Variants in DPH6 observed in about 807,000 individuals in gnomAD.
DPH6 encodes the protein diphthine--ammonia ligase.
Under a neutral mutation model 38.2 loss-of-function variants are expected in DPH6, and 33 were observed. The observed-to-expected ratio is 0.86, with a 90% CI of 0.65 to 1.15. DPH6 has a LOEUF of 1.15. Among genes scored for constraint, DPH6 ranks in the 50% most tolerant of loss-of-function variants. The pLI is 0.00. For synonymous variants in DPH6, 108 were observed against 103.0 expected (o/e 1.05, Z -0.30); for missense variants, 325 against 320.0 (o/e 1.02, Z -0.12).
chr15:35,417,718 G>A (rs889948366), intron 5 of DPH6, among the ~76,000 whole-genome samples: 1 of 151,966 alleles, frequency 6.6e-6, no homozygotes, highest in African/African-American at 2.4e-5. Context: ...TAATATCTCA[G>A]TAAATTTAAA....
chr15:35,350,124 A>G (rs1314242848), intron 3 of DPH6, among the ~76,000 whole-genome samples: 1 of 152,014 alleles, frequency 6.6e-6, no homozygotes, highest in African/African-American at 2.4e-5. Flanking sequence ...ACGTCTCCTT[A>G]CTCGTTATTG....
In DPH6 at chr15:35,297,364, C is replaced by A. The variant is rs1366381633; in HGVS notation, n.200+76157G>T. On this transcript the variant is annotated intron_variant and non_coding_transcript_variant, in intron 3 of 3. Transcript: ENST00000560386. ...TTTTTTTTTAAACCTATTAGGTTTTCATCTCCACTGATCTGTTGAATCTGG... is the reference window on the plus strand; with the variant it reads ...TTTTTTTTTAAACCTATTAGGTTTTAATCTCCACTGATCTGTTGAATCTGG... Among the ~76,000 whole-genome samples, 7 of 148,310 alleles carry A rather than the reference C, an allele frequency of 4.7e-5. No individual in the cohort carries two copies. The East Asian group carries it at 1.4e-3, about 30-fold the overall frequency.
intron 3 of DPH6, chr15:35,489,596 C>A: frequency 1.0e-6 from 1 of 982,582 alleles, no homozygotes; most frequent in South Asian, 4.7e-5. Flanking sequence ...AAAATACCTA[C>A]CCAAGAGCAA....
At chr15:35,262,826 G>C (rs1033205707) in intron 3 of DPH6, among the ~76,000 whole-genome samples, 1 of 151,152 alleles carries the variant, frequency 6.6e-6, no homozygotes, top group Non-Finnish European at 1.5e-5. Flanking sequence ...CTCTGGGAGA[G>C]ATCTTTACCA....
chr15:35,196,674 G>A, the DPH6 span, among the ~76,000 whole-genome samples: 1 of 152,172 alleles, frequency 6.6e-6, no homozygotes, highest in Non-Finnish European at 1.5e-5. Flanking sequence ...ACAATGTGTT[G>A]AAAAGAGGTT....
intron 5 of DPH6, among the ~76,000 whole-genome samples, chr15:35,447,244 C>A (rs1337813646): frequency 6.6e-6 from 1 of 152,152 alleles, no homozygotes; most frequent in East Asian, 1.9e-4. Context: ...GTTAGGTGAG[C>A]ATCAAATTTG....
At chr15:35,300,578 G>A (rs956638004) in intron 3 of DPH6, among the ~76,000 whole-genome samples, 4 of 152,158 alleles carry the variant, frequency 2.6e-5, no homozygotes, top group African/African-American at 4.8e-5. Flanking sequence ...TGAGCAACTG[G>A]GTGAGTATTT....
chr15:35,320,690 A>G (rs1251002318), intron 3 of DPH6, among the ~76,000 whole-genome samples: 2 of 152,108 alleles, frequency 1.3e-5, no homozygotes, highest in Non-Finnish European at 2.9e-5. Flanking sequence ...GTGGAGTTGC[A>G]GGGTCAACTT....
chr15:35,485,423 G>A (rs933336680), intron 3 of DPH6, among the ~76,000 whole-genome samples: 1 of 152,144 alleles, frequency 6.6e-6, no homozygotes, highest in African/African-American at 2.4e-5. Context: ...TGCCAAGATA[G>A]GGTCATTAGA....
intron 7 of DPH6, among the ~76,000 whole-genome samples, chr15:35,380,456 C>G (rs1029679950): frequency 6.6e-6 from 1 of 152,086 alleles, no homozygotes; most frequent in Non-Finnish European, 1.5e-5. Context: ...CCATGTTGTC[C>G]ATAAAGACTT....
At chr15:35,355,517 A>T (rs2052552037) in intron 3 of DPH6, among the ~76,000 whole-genome samples, 1 of 152,094 alleles carries the variant, frequency 6.6e-6, no homozygotes, top group Non-Finnish European at 1.5e-5. Context: ...CTTGTCTGTA[A>T]AGGATTTTAT....
chr15:35,525,012 C>A (rs1460191529), intron 3 of DPH6, among the ~76,000 whole-genome samples: 1 of 152,094 alleles, frequency 6.6e-6, no homozygotes, highest in Non-Finnish European at 1.5e-5. Flanking sequence ...AATTTGAATA[C>A]TTCTTATGGA....
downstream of DPH6, among the ~76,000 whole-genome samples, chr15:35,212,801 A>T (rs891227982): frequency 6.6e-6 from 1 of 152,180 alleles, no homozygotes; most frequent in Non-Finnish European, 1.5e-5. Context: ...TCCATTAATA[A>T]ACTAGTCTTT....
chr15:35,252,078 G>A (rs561466955), intron 3 of DPH6, among the ~76,000 whole-genome samples: 2 of 152,292 alleles, frequency 1.3e-5, no homozygotes, highest in South Asian at 4.1e-4. Flanking sequence ...CCAAGCTCAC[G>A]CCATTGCACT....
rs921253882 is a variant in DPH6, at chr15:35,333,019, A to G, written n.208-1942T>C. Reference sequence around the variant, plus strand: ...ACTTCAAATGAGCAGTTATCCATACACAGCTTGTGTGAGGATGTCAAATAA... The same window carrying G: ...ACTTCAAATGAGCAGTTATCCATACGCAGCTTGTGTGAGGATGTCAAATAA... On this transcript the variant is annotated intron_variant and non_coding_transcript_variant, in intron 3 of 3. Coordinates refer to the DPH6 transcript ENST00000558973. Among the ~76,000 whole-genome samples the G allele has an allele frequency of 3.3e-5, 5 of 151,932 alleles. No homozygotes were observed. The East Asian group carries it at 9.7e-4, about 29-fold the overall frequency.
At chr15:35,469,937 C>T (rs915816264) in intron 3 of DPH6, among the ~76,000 whole-genome samples, 2 of 152,132 alleles carry the variant, frequency 1.3e-5, no homozygotes, top group Non-Finnish European at 2.9e-5. Flanking sequence ...TAGGCTCACA[C>T]CTGTAATCAC....
intron 3 of DPH6, among the ~76,000 whole-genome samples, chr15:35,267,141 T>C (rs2051788532): frequency 6.6e-6 from 1 of 151,468 alleles, no homozygotes; most frequent in African/African-American, 2.4e-5. Flanking sequence ...TAAAGTGCAG[T>C]AAAAAAAACA....
rs142672520 is a variant in DPH6, at chr15:35,358,244, T to C, written n.207+15277A>G. On this transcript the variant is annotated intron_variant and non_coding_transcript_variant, in intron 3 of 3. Coordinates refer to the DPH6 transcript ENST00000558973. ...TTTCTGAATTTTTGATTTTTTTTTC[T>C]TTAAGTTATCTATTTCCTTGAATAT... 6.4e-3 allele frequency among the ~76,000 whole-genome samples: 974 copies of C among 152,298 alleles called. 8 individuals carry two copies. Among genetic ancestry groups the C allele is most frequent in the Non-Finnish European group, 9.1e-3 (621 of 68,018 alleles).
chr15:35,317,738 A>C (rs1595475834), intron 3 of DPH6, among the ~76,000 whole-genome samples: 1 of 152,138 alleles, frequency 6.6e-6, no homozygotes, highest in African/African-American at 2.4e-5. Flanking sequence ...CTGGGAGCTA[A>C]AACATATATA....
Sources: gnomAD v4.1 joint callset for allele counts (sites outside exome capture counted in the v4.1 genomes callset) on GRCh38, gnomAD v4.1.1 for gene constraint, MANE v1.5 for transcripts, NCBI Gene and HGNC (gene_info 2026-07-23, HGNC 2026-07-21) for gene names.